Variants in SMG6 observed in about 807,000 individuals in gnomAD.
SMG6 encodes the protein SMG6 nonsense mediated mRNA decay factor, also known as telomerase-binding protein EST1A.
A neutral mutation model predicts 142.2 loss-of-function variants in SMG6; 66 were observed. The observed-to-expected ratio is 0.46, with a 90% confidence interval of 0.38 to 0.57. The LOEUF (loss-of-function observed/expected upper bound fraction) is 0.57, where lower values mean the gene tolerates loss of function less well. Among genes scored for constraint, SMG6 ranks in the 20% least tolerant of loss-of-function variants. SMG6 has a pLI of 0.00. For missense variants in SMG6, 1,793 were observed against 1,832.0 expected (o/e 0.98, Z 0.39); for synonymous variants, 779 against 702.4 (o/e 1.11, Z -1.72).
intron 13 of SMG6, among the ~76,000 whole-genome samples, chr17:2,102,401 G>T (rs954194456): frequency 3.3e-5 from 5 of 151,992 alleles, no homozygotes; most frequent in Admixed American, 6.6e-5. Flanking sequence ...CTGTCACCCA[G>T]GCTGGAGTGC....
intron 13 of SMG6, among the ~76,000 whole-genome samples, chr17:2,121,579 A>G (rs887481692): frequency 9.4e-5 from 8 of 84,868 alleles, no homozygotes; most frequent in Admixed American, 3.9e-4. Flanking sequence ...ATATATGTAC[A>G]TGTCTGTCTG....
At chr17:2,160,087 T>C (rs1052678190) in intron 13 of SMG6, among the ~76,000 whole-genome samples, 1 of 152,184 alleles carries the variant, frequency 6.6e-6, no homozygotes, top group Non-Finnish European at 1.5e-5. Flanking sequence ...GTGGTCCTTA[T>C]GCAGAATATA....
chr17:2,118,763 T>C (rs1267632816), intron 13 of SMG6, among the ~76,000 whole-genome samples: 7 of 152,024 alleles, frequency 4.6e-5, no homozygotes, highest in Non-Finnish European at 1.5e-5. Flanking sequence ...ATTTTTTAAT[T>C]TTTTTGTAGT....
intron 15 of SMG6, among the ~76,000 whole-genome samples, chr17:2,081,015 C>T (rs970182471): frequency 6.6e-6 from 1 of 152,212 alleles, no homozygotes; most frequent in African/African-American, 2.4e-5. Flanking sequence ...ATTTAGGTGG[C>T]AGGGCCTAGA....
chr17:2,245,559 A>G (rs1228806647), intron 8 of SMG6, among the ~76,000 whole-genome samples: 1 of 151,960 alleles, frequency 6.6e-6, no homozygotes, highest in Non-Finnish European at 1.5e-5. Flanking sequence ...TAATTTTTGT[A>G]TTTTTAGAAG....
intron 13 of SMG6, among the ~76,000 whole-genome samples, chr17:2,096,660 G>C (rs925508953): frequency 1.3e-5 from 2 of 152,132 alleles, no homozygotes; most frequent in Non-Finnish European, 2.9e-5. Context: ...AGTCCTTCAA[G>C]ACGCCAGTTA....
chr17:2,112,391 C>T (rs1326470102), intron 13 of SMG6, among the ~76,000 whole-genome samples: 1 of 151,244 alleles, frequency 6.6e-6, no homozygotes, highest in African/African-American at 2.4e-5. Flanking sequence ...GTCTGGAGTC[C>T]CAGCTACTCG....
intron 8 of SMG6, among the ~76,000 whole-genome samples, chr17:2,246,808 T>C (rs1304092381): frequency 1.3e-5 from 2 of 152,038 alleles, no homozygotes; most frequent in East Asian, 3.9e-4. Context: ...TAGCTGGGTG[T>C]GGTGGCAGGT....
chr17:2,171,926 G>A (rs889304328), intron 13 of SMG6, among the ~76,000 whole-genome samples: 3 of 151,908 alleles, frequency 2.0e-5, no homozygotes, highest in South Asian at 2.1e-4. Context: ...TCCCAAGCTC[G>A]GTGGCTACTA....
At chr17:2,182,957 A>G (rs1234446124) in intron 12 of SMG6, among the ~76,000 whole-genome samples, 1 of 152,126 alleles carries the variant, frequency 6.6e-6, no homozygotes, top group East Asian at 1.9e-4. Flanking sequence ...AAGAGTAGAG[A>G]TAAGAAAGAG....
intron 13 of SMG6, among the ~76,000 whole-genome samples, chr17:2,124,370 T>C (rs1489359064): frequency 1.3e-5 from 2 of 152,270 alleles, no homozygotes; most frequent in African/African-American, 2.4e-5. Flanking sequence ...AGTCCAATTC[T>C]GAATACACAA....
rs2151435121 is a variant in SMG6 at position 2,085,181 on chromosome 17, T to C, written c.3534+544A>G. Among the ~76,000 whole-genome samples, 1 of 150,494 alleles carries C rather than the reference T, an allele frequency of 6.6e-6. No homozygotes were observed. The highest frequency in any genetic ancestry group is 1.5e-5 in the Non-Finnish European group (1 of 67,822). ...ACACACAGACACACACACACGAGTC[T>C]GGAGTGAAGCAAGGGCTACAGGAAC... is the stretch of plus-strand genomic sequence containing the variant. On this transcript the variant is annotated intron_variant, in intron 14 of 18. Transcript: ENST00000263073. This position sits in a 1 kb window ranked among gnomAD's most constrained non-coding sequence, Gnocchi z 4.1.
rs753991524 is a variant in SMG6, at chr17:2,272,426, A to T, written c.2661+10221T>A. Among the ~76,000 whole-genome samples, 15 of 152,114 alleles carry T rather than the reference A, an allele frequency of 9.9e-5. 1 individual carries two copies. Among genetic ancestry groups the T allele is most frequent in the Non-Finnish European group, 4.4e-5 (3 of 68,024 alleles). On this transcript the variant is annotated intron_variant, in intron 8 of 18. Transcript: ENST00000263073. The stretch of plus-strand genomic sequence containing the variant: ...ACATACCTCCCTCCTGGCACCCACC[A>T]CAATACAATCAACCTTCATTGTTCA...
intron 13 of SMG6, among the ~76,000 whole-genome samples, chr17:2,138,708 C>A (rs1449835045): frequency 1.3e-5 from 2 of 152,102 alleles, no homozygotes; most frequent in Non-Finnish European, 2.9e-5. Flanking sequence ...TTGGTTTCCC[C>A]CACCTCTCTC....
chr17:2,241,736 T>C (rs2073806486), intron 9 of SMG6, among the ~76,000 whole-genome samples: 1 of 152,214 alleles, frequency 6.6e-6, no homozygotes, highest in Non-Finnish European at 1.5e-5. Context: ...CCCAAACTTA[T>C]TCCAAAATAT....
chr17:2,111,043 T>C (rs550924784), intron 13 of SMG6, among the ~76,000 whole-genome samples: 1 of 152,264 alleles, frequency 6.6e-6, no homozygotes, highest in Admixed American at 6.5e-5. Flanking sequence ...AAGTAAGATA[T>C]CTGAGGTGTT....
intron 13 of SMG6, among the ~76,000 whole-genome samples, chr17:2,110,069 G>A (rs1461935002): frequency 1.5e-5 from 2 of 132,446 alleles, no homozygotes; most frequent in African/African-American, 5.4e-5. Context: ...GCGACAGAGT[G>A]AGATTCCATC....
intron 10 of SMG6, among the ~76,000 whole-genome samples, chr17:2,195,661 A>G (rs2072301981): frequency 6.6e-6 from 1 of 152,202 alleles, no homozygotes; most frequent in South Asian, 2.1e-4. Context: ...CATAATAACT[A>G]AGACATTTTG....
At chr17:2,252,525 G>T (rs567455234) in intron 8 of SMG6, among the ~76,000 whole-genome samples, 1 of 152,344 alleles carries the variant, frequency 6.6e-6, no homozygotes, top group South Asian at 2.1e-4. Context: ...GATCTTAAGA[G>T]TTGAAAACCT....
Sources: gnomAD v4.1 joint callset for allele counts (sites outside exome capture counted in the v4.1 genomes callset) on GRCh38, gnomAD v4.1.1 for gene constraint, Gnocchi (gnomAD v3.1) non-coding constraint, MANE v1.5 for transcripts, NCBI Gene and HGNC (gene_info 2026-07-23, HGNC 2026-07-21) for gene names.